The following RHOBTB3 variants were observed in gnomAD, a reference collection of about 807,000 sequenced individuals.
RHOBTB3 encodes Rho related BTB domain containing 3, also known as rho-related BTB domain-containing protein 3.
RHOBTB3 carries 47 observed loss-of-function variants against 67.2 expected under a neutral mutation model. The observed-to-expected ratio is 0.70, with a 90% CI of 0.55 to 0.89. The LOEUF (loss-of-function observed/expected upper bound fraction) is 0.89, where lower values mean the gene tolerates loss of function less well. Among genes scored for constraint, RHOBTB3 ranks in the 40% least tolerant of loss-of-function variants. The probability of loss-of-function intolerance (pLI) is 0.00; values close to 1 mark genes in which losing one functional copy is unlikely to be tolerated. For missense variants in RHOBTB3, 631 were observed against 750.0 expected (o/e 0.84, Z 1.85); for synonymous variants, 273 against 274.2 (o/e 1.00, Z 0.04).
chr5:95,733,108 A>G (rs1341611607), intron 2 of RHOBTB3, among the ~76,000 whole-genome samples: 2 of 152,252 alleles, frequency 1.3e-5, no homozygotes, highest in African/African-American at 2.4e-5. Flanking sequence ...TTTCTTATGC[A>G]AAGTTCCACA....
Position 95,748,792 on chromosome 5 carries a change from T to C in RHOBTB3, c.570+305T>C, listed in dbSNP as rs114438000. Among the ~76,000 whole-genome samples the C allele has an allele frequency of 4.9e-3, 744 of 152,356 alleles. 7 individuals are homozygous for C. The highest frequency in any genetic ancestry group is 0.017 in the African/African-American group (724 of 41,586). On this transcript the variant is annotated intron_variant, in intron 4 of 11. Coordinates refer to ENST00000379982, the MANE Select transcript of RHOBTB3 (RefSeq NM_014899.4). ...ACCAAACCTGTGATGCCACTTTTAA[T>C]AGTCATCTTTATACAGCTGAATGAG...
chr5:95,741,107 T>G (rs1475035358), intron 3 of RHOBTB3, among the ~76,000 whole-genome samples: 1 of 151,948 alleles, frequency 6.6e-6, no homozygotes, highest in African/African-American at 2.4e-5. Context: ...CGCGGGTGGA[T>G]CATGAGGTCA....
At chr5:95,739,680 T>G (rs1580397405) in intron 3 of RHOBTB3, among the ~76,000 whole-genome samples, 1 of 152,090 alleles carries the variant, frequency 6.6e-6, no homozygotes, top group East Asian at 1.9e-4. Flanking sequence ...GCCTCCTGAG[T>G]AGCAAGGACT....
chr5:95,746,149 A>G (rs1234939606), intron 3 of RHOBTB3, among the ~76,000 whole-genome samples: 3 of 152,182 alleles, frequency 2.0e-5, no homozygotes, highest in South Asian at 4.1e-4. Context: ...TTCTAGGAAC[A>G]TGTGTAGGTA....
chr5:95,753,754 A>C, intron 5 of RHOBTB3, among the ~76,000 whole-genome samples: 1 of 152,208 alleles, frequency 6.6e-6, no homozygotes, highest in East Asian at 1.9e-4. Context: ...TTATTAATCA[A>C]GAAGACAAAA....
chr5:95,784,006 TA>T, intron 10 of RHOBTB3, 43 bp downstream of exon 10: 2 of 1,442,948 alleles, frequency 1.4e-6, no homozygotes, highest in African/African-American at 2.9e-5. Flanking sequence ...TTTTATAAAA[TA>T]TTTTTCAAAT....
At position 95,784,862 on chromosome 5, in the gene RHOBTB3, T is replaced by C. The variant is rs1746173473; in HGVS notation, c.1623+899T>C. Reference sequence around the variant, plus strand: ...CATTCCATCCACTGCCCGAGACAGTTTCAGCACTTGTGGTAGTTATGGCAC... The same window carrying C: ...CATTCCATCCACTGCCCGAGACAGTCTCAGCACTTGTGGTAGTTATGGCAC... On this transcript the variant is annotated intron_variant, in intron 10 of 11. Coordinates refer to ENST00000379982, the MANE Select transcript of RHOBTB3 (RefSeq NM_014899.4). Among the ~76,000 whole-genome samples the C allele has an allele frequency of 3.3e-5, 5 of 152,150 alleles. No individual in the cohort carries two copies. In the South Asian group the frequency reaches 1.0e-3, roughly 32 times the overall value.
chr5:95,768,032 G>A lies in RHOBTB3; in HGVS notation c.1162-14G>A, dbSNP rs2112814254. ...TTAAACAACCTTTCCCTGTATTTTT[G>A]TTTTCCCTTATAGATTAATTGCCTA... On this transcript the variant is annotated splice_polypyrimidine_tract_variant and intron_variant, in intron 7 of 11. Transcript: ENST00000379982. The A allele has an allele frequency of 1.2e-6, 2 of 1,610,666 alleles. No homozygotes were observed. Among genetic ancestry groups the A allele is most frequent in the Admixed American group, 1.7e-5 (1 of 59,478 alleles).
At chr5:95,766,715 A>G (rs1040108224) in intron 7 of RHOBTB3, among the ~76,000 whole-genome samples, 1 of 152,142 alleles carries the variant, frequency 6.6e-6, no homozygotes, top group African/African-American at 2.4e-5. Context: ...CCTGAAGACC[A>G]CAGAAAGGAT....
intron 8 of RHOBTB3, chr5:95,770,422 A>G (rs1158089905): frequency 4.2e-6 from 1 of 239,858 alleles, no homozygotes; most frequent in Non-Finnish European, 8.7e-6. Context: ...AGAATATTCA[A>G]CATTCTGGCA....
intron 2 of RHOBTB3, chr5:95,732,719 TA>T (rs1308038806): frequency 6.6e-6 from 1 of 152,244 alleles, no homozygotes; most frequent in Non-Finnish European, 1.5e-5. Flanking sequence ...GGAAAACTTT[TA>T]AAAAATTAAA....
At chr5:95,790,505 T>C (rs1746349749) in intron 11 of RHOBTB3, among the ~76,000 whole-genome samples, 1 of 152,244 alleles carries the variant, frequency 6.6e-6, no homozygotes. Flanking sequence ...CTTTTAGTTA[T>C]GAATTTTCAT....
chr5:95,770,641 A>G, intron 8 of RHOBTB3: 1 of 496,586 alleles, frequency 2.0e-6, no homozygotes, highest in South Asian at 1.5e-5. Context: ...AGTCACAGAA[A>G]TTCCTAAAGA....
At chr5:95,753,718 T>C (rs1302848015) in intron 5 of RHOBTB3, among the ~76,000 whole-genome samples, 4 of 152,148 alleles carry the variant, frequency 2.6e-5, no homozygotes, top group African/African-American at 9.7e-5. Flanking sequence ...ACCACATAAA[T>C]AATGTAGATA....
intron 3 of RHOBTB3, among the ~76,000 whole-genome samples, chr5:95,739,282 T>C (rs1016052569): frequency 6.6e-6 from 1 of 152,208 alleles, no homozygotes; most frequent in East Asian, 1.9e-4. Context: ...TAAACAAATC[T>C]CAAACTCATT....
At chr5:95,791,300 T>C (rs572973700) in intron 11 of RHOBTB3, among the ~76,000 whole-genome samples, 1 of 152,286 alleles carries the variant, frequency 6.6e-6, no homozygotes, top group African/African-American at 2.4e-5. Context: ...ATTAGATTTT[T>C]ATATACTGGA....
chr5:95,764,557 G>T (rs1338142595), intron 7 of RHOBTB3, among the ~76,000 whole-genome samples: 1 of 152,144 alleles, frequency 6.6e-6, no homozygotes, highest in Non-Finnish European at 1.5e-5. Flanking sequence ...AAAACTTTAA[G>T]ACATTACACA....
intron 11 of RHOBTB3, among the ~76,000 whole-genome samples, chr5:95,791,132 A>C (rs1002539041): frequency 5.9e-5 from 9 of 152,124 alleles, no homozygotes; most frequent in Admixed American, 5.9e-4. Context: ...CAGCTTGAAA[A>C]GTTCTCAAAT....
intron 8 of RHOBTB3, chr5:95,770,739 C>T (rs942815002): frequency 2.9e-5 from 11 of 378,366 alleles, no homozygotes; most frequent in Admixed American, 2.2e-4. Flanking sequence ...TATTAATGAA[C>T]GGTGATAGGA....
Sources: gnomAD v4.1 joint callset for allele counts (sites outside exome capture counted in the v4.1 genomes callset) on GRCh38, gnomAD v4.1.1 for gene constraint, MANE v1.5 for transcripts, NCBI Gene and HGNC (gene_info 2026-07-23, HGNC 2026-07-21) for gene names.